The following GRID1 variants were observed in gnomAD, a reference collection of about 807,000 sequenced individuals.
GRID1 encodes the protein glutamate ionotropic receptor delta type subunit 1.
Under a neutral mutation model 98.0 loss-of-function variants are expected in GRID1, and 28 were observed. The ratio of observed to expected loss-of-function variants is 0.29; its 90% CI spans 0.21 to 0.39. GRID1 has a LOEUF of 0.39. Among genes scored for constraint, GRID1 ranks in the 10% least tolerant of loss-of-function variants. GRID1 has a pLI of 1.00. For missense variants in GRID1, 1,111 were observed against 1,340.5 expected (o/e 0.83, Z 2.67); for synonymous variants, 553 against 538.5 (o/e 1.03, Z -0.37).
At chr10:86,287,596 C>A (rs1193254931) in intron 2 of GRID1, among the ~76,000 whole-genome samples, 1 of 152,218 alleles carries the variant, frequency 6.6e-6, no homozygotes, top group East Asian at 1.9e-4. Context: ...AGCCCCAGCC[C>A]TGACCACAAC....
At chr10:86,207,736 A>C (rs1269062209) in intron 2 of GRID1, among the ~76,000 whole-genome samples, 1 of 139,620 alleles carries the variant, frequency 7.2e-6, no homozygotes, top group African/African-American at 2.7e-5. Flanking sequence ...GGTTCACGCC[A>C]TTCTCCTGCC....
At chr10:86,189,734 T>G (rs1199614070) in intron 3 of GRID1, among the ~76,000 whole-genome samples, 1 of 152,154 alleles carries the variant, frequency 6.6e-6, no homozygotes, top group Non-Finnish European at 1.5e-5. Flanking sequence ...CTCTACCCAC[T>G]GAGGCCACTA....
intron 4 of GRID1, among the ~76,000 whole-genome samples, chr10:86,062,716 C>T (rs1399123464): frequency 6.6e-6 from 1 of 152,218 alleles, no homozygotes; most frequent in East Asian, 1.9e-4. Context: ...CATGTGCTCT[C>T]ACCTACCCTT....
At chr10:85,652,629 AC>A (rs1331522846) in intron 12 of GRID1, among the ~76,000 whole-genome samples, 1 of 152,148 alleles carries the variant, frequency 6.6e-6, no homozygotes. Flanking sequence ...GTTTGGCTCT[AC>A]AAGAGATGAT....
chr10:85,623,949 C>T (rs1439856239), intron 13 of GRID1, among the ~76,000 whole-genome samples: 1 of 152,172 alleles, frequency 6.6e-6, no homozygotes, highest in African/African-American at 2.4e-5. Flanking sequence ...AGGATGAACC[C>T]AGCCATCTCC....
chr10:85,884,914 G>A (rs1261933760), intron 5 of GRID1, among the ~76,000 whole-genome samples: 5 of 152,118 alleles, frequency 3.3e-5, no homozygotes. Context: ...GAGAAGAAAT[G>A]AGGGATGGAG....
intron 2 of GRID1, among the ~76,000 whole-genome samples, chr10:86,221,893 C>T (rs1023689105): frequency 3.4e-5 from 4 of 118,238 alleles, no homozygotes; most frequent in Admixed American, 2.8e-4. Context: ...CCCCCTCCTC[C>T]TCCTTCTCCT....
At chr10:85,620,243 G>A (rs1253162875) in intron 13 of GRID1, among the ~76,000 whole-genome samples, 1 of 152,180 alleles carries the variant, frequency 6.6e-6, no homozygotes, top group Non-Finnish European at 1.5e-5. Context: ...TAAAAGGTGC[G>A]CAGGCCAGCC....
intron 3 of GRID1, among the ~76,000 whole-genome samples, chr10:86,182,839 T>C (rs1361219983): frequency 6.6e-6 from 1 of 152,190 alleles, no homozygotes; most frequent in Admixed American, 6.5e-5. Flanking sequence ...AACTAACAAG[T>C]CTTTGCAGAC....
intron 2 of GRID1, among the ~76,000 whole-genome samples, chr10:86,339,352 A>G (rs1023199721): frequency 6.6e-6 from 1 of 152,226 alleles, no homozygotes; most frequent in Middle Eastern, 3.2e-3. Flanking sequence ...TCAAAGCCCC[A>G]TGCGGGAAGC....
chr10:86,078,203 T>A (rs1843912387), intron 4 of GRID1, among the ~76,000 whole-genome samples: 1 of 152,256 alleles, frequency 6.6e-6, no homozygotes, highest in Non-Finnish European at 1.5e-5. Context: ...ATACAGCTTA[T>A]CTTTCCCAGA....
At chr10:85,925,706 T>C (rs1419154951) in intron 4 of GRID1, among the ~76,000 whole-genome samples, 1 of 152,220 alleles carries the variant, frequency 6.6e-6, no homozygotes, top group Non-Finnish European at 1.5e-5. Context: ...TGTGGAGCCA[T>C]TTTGGACAGG....
chr10:85,815,922 C>A (rs907895399), intron 8 of GRID1, among the ~76,000 whole-genome samples: 1 of 151,808 alleles, frequency 6.6e-6, no homozygotes, highest in African/African-American at 2.4e-5. Context: ...CATCATTAGT[C>A]ATTAGTTAAA....
intron 8 of GRID1, among the ~76,000 whole-genome samples, chr10:85,735,080 C>T (rs1841865571): frequency 6.6e-6 from 1 of 151,750 alleles, no homozygotes; most frequent in Non-Finnish European, 1.5e-5. Context: ...AGTCCCAACA[C>T]TTAGTCATAC....
At chr10:85,941,238 TTATAGTC>T in intron 4 of GRID1, among the ~76,000 whole-genome samples, 1 of 152,306 alleles carries the variant, frequency 6.6e-6, no homozygotes, top group Middle Eastern at 3.4e-3. Flanking sequence ...TATTTAGAAA[TTATAGTC>T]TATACCTCAC....
intron 2 of GRID1, among the ~76,000 whole-genome samples, chr10:86,289,059 G>A (rs1376865425): frequency 6.6e-6 from 1 of 152,156 alleles, no homozygotes; most frequent in Non-Finnish European, 1.5e-5. Flanking sequence ...TGGGCCCCAA[G>A]AGCACAGTCA....
chr10:86,171,908 C>T (rs922727987), intron 3 of GRID1, among the ~76,000 whole-genome samples: 1 of 152,022 alleles, frequency 6.6e-6, no homozygotes, highest in African/African-American at 2.4e-5. Flanking sequence ...AAACCCTACG[C>T]GGCATGCCAG....
intron 4 of GRID1, among the ~76,000 whole-genome samples, chr10:86,101,888 A>G (rs1844301400): frequency 6.6e-6 from 1 of 152,048 alleles, no homozygotes; most frequent in Admixed American, 6.6e-5. Context: ...TCCCTTTTTA[A>G]TGCTGAATAA....
intron 12 of GRID1, among the ~76,000 whole-genome samples, chr10:85,703,260 A>G (rs1048103030): frequency 6.6e-6 from 1 of 152,110 alleles, no homozygotes; most frequent in African/African-American, 2.4e-5. Context: ...ATATTGCTCA[A>G]AAAGCTACTC....
Sources: allele counts gnomAD v4.1 joint callset (sites outside exome capture counted in the v4.1 genomes callset), GRCh38; gene constraint gnomAD v4.1.1; transcripts MANE v1.5; gene names NCBI Gene and HGNC (gene_info 2026-07-23, HGNC 2026-07-21).